MIS18A: variants seen among roughly 807,000 people sequenced by gnomAD.
MIS18A encodes MIS18 kinetochore protein A.
In MIS18A, 14 loss-of-function variants were observed where a neutral mutation model predicts 25.0. That is an observed-to-expected ratio of 0.56 (90% CI 0.37 to 0.88). The LOEUF is 0.88. Among genes scored for constraint, MIS18A ranks in the 40% least tolerant of loss-of-function variants. The pLI is 0.00. For missense variants in MIS18A, 292 were observed against 290.8 expected, an observed-to-expected ratio of 1.00 and a Z score of -0.03; for synonymous variants, 134 against 118.6, an observed-to-expected ratio of 1.13 and a Z score of -0.84.
chr21:32,276,463 A>C (rs1375939260), intron 1 of MIS18A, among the ~76,000 whole-genome samples: 1 of 63,702 alleles, frequency 1.6e-5, no homozygotes, highest in Non-Finnish European at 2.8e-5. Context: ...TCTGTCTCAA[A>C]AAAAAAAAAA....
the MIS18A span, among the ~76,000 whole-genome samples, chr21:32,201,877 T>C: frequency 4.6e-5 from 7 of 152,116 alleles, no homozygotes; most frequent in South Asian, 1.2e-3. Flanking sequence ...ACACAGGAAA[T>C]GTCCTTTCAA....
chr21:32,225,368 G>A, the MIS18A span, among the ~76,000 whole-genome samples: 1 of 93,734 alleles, frequency 1.1e-5, no homozygotes, highest in African/African-American at 6.2e-5. Context: ...GAAAATTTTC[G>A]CAACCTACTC....
chr21:32,269,193 G>GTGTATATCTTAATT, intron 4 of MIS18A, 76 bp from the exon 5 acceptor site: 2 of 1,073,158 alleles, frequency 1.9e-6, no homozygotes, highest in Non-Finnish European at 2.7e-6. Flanking sequence ...ATATAATTAA[G>GTGTATATCTTAATT]ATATACACTT....
chr21:32,269,710 T>C lies in MIS18A; in HGVS notation c.618A>G (p.Thr206=). 6.5e-7 allele frequency: 1 copy of C among 1,550,078 alleles called. No homozygotes were observed. Among genetic ancestry groups the C allele is most frequent in the Non-Finnish European group, 8.9e-7 (1 of 1,121,874 alleles). ...AAAATGTACAGAATAAAATTACCTGTGTTAGAGACTTTTCTATTTCAACTC... is the reference window on the plus strand; with the variant it reads ...AAAATGTACAGAATAAAATTACCTGCGTTAGAGACTTTTCTATTTCAACTC... ...ESRVEIEKSL[T]QMEDVLKALQ... is the part of the protein sequence containing the mutation. The change falls in exon 4 of 5, where the codon ACA becomes ACG. Residue 206 remains threonine (T), a synonymous_variant. Coordinates refer to ENST00000290130, the MANE Select transcript of MIS18A (RefSeq NM_018944.3).
chr21:32,189,156 G>C, the MIS18A span, among the ~76,000 whole-genome samples: 1 of 152,184 alleles, frequency 6.6e-6, no homozygotes, highest in African/African-American at 2.4e-5. Flanking sequence ...TCCATGTGCA[G>C]GTGCATCAGA....
chr21:32,275,483 G>A (rs1172295085), intron 1 of MIS18A, among the ~76,000 whole-genome samples: 1 of 152,062 alleles, frequency 6.6e-6, no homozygotes, highest in Non-Finnish European at 1.5e-5. Flanking sequence ...GTAACTGAGA[G>A]GGTCCTCAGG....
At chr21:32,203,794 T>C in the MIS18A span, among the ~76,000 whole-genome samples, 9 of 151,934 alleles carry the variant, frequency 5.9e-5, no homozygotes, top group African/African-American at 2.2e-4. Context: ...TTTTTTGTAT[T>C]TTTTTGTAGA....
downstream of MIS18A, among the ~76,000 whole-genome samples, chr21:32,264,248 G>A (rs2031555497): frequency 3.9e-5 from 6 of 152,008 alleles, no homozygotes. Flanking sequence ...CTCAAAATGT[G>A]AGTAATTATT....
the MIS18A span, among the ~76,000 whole-genome samples, chr21:32,156,850 A>G: frequency 3.3e-5 from 5 of 152,074 alleles, no homozygotes; most frequent in Non-Finnish European, 7.4e-5. Flanking sequence ...ACCATGACCC[A>G]GGTAATAGAC....
the MIS18A span, among the ~76,000 whole-genome samples, chr21:32,242,971 C>T: frequency 6.6e-6 from 1 of 152,134 alleles, no homozygotes; most frequent in Non-Finnish European, 1.5e-5. Flanking sequence ...CAGACAGAAC[C>T]AACTGATTCT....
chr21:32,263,522 AC>A (rs1266270906), downstream of MIS18A, among the ~76,000 whole-genome samples: 1 of 152,100 alleles, frequency 6.6e-6, no homozygotes, highest in Non-Finnish European at 1.5e-5. Context: ...AACCGCTTGA[AC>A]CCAGGAGGCA....
the MIS18A span, among the ~76,000 whole-genome samples, chr21:32,188,337 G>A: frequency 6.6e-6 from 1 of 152,196 alleles, no homozygotes; most frequent in Admixed American, 6.5e-5. Context: ...GCTTTTGTAT[G>A]GATTCTCCAA....
At chr21:32,212,809 T>C in the MIS18A span, among the ~76,000 whole-genome samples, 11 of 152,016 alleles carry the variant, frequency 7.2e-5, no homozygotes, top group African/African-American at 2.6e-4. Context: ...AAGTGGGAGT[T>C]TCCCCTGCAC....
chr21:32,219,894 G>C, the MIS18A span, among the ~76,000 whole-genome samples: 1 of 152,178 alleles, frequency 6.6e-6, no homozygotes, highest in Non-Finnish European at 1.5e-5. Context: ...CCACAGCACG[G>C]CAAAACCACT....
chr21:32,175,280 C>T, the MIS18A span, among the ~76,000 whole-genome samples: 249 of 152,158 alleles, frequency 1.6e-3, no homozygotes, highest in African/African-American at 5.8e-3. Context: ...CATGCCTGAA[C>T]GGAGCTTGCA....
chr21:32,188,833 G>C, the MIS18A span, among the ~76,000 whole-genome samples: 1 of 152,230 alleles, frequency 6.6e-6, no homozygotes, highest in Non-Finnish European at 1.5e-5. Flanking sequence ...AGAGAATGGA[G>C]AACGAGGCAG....
At chr21:32,242,302 C>A in the MIS18A span, among the ~76,000 whole-genome samples, 2 of 152,204 alleles carry the variant, frequency 1.3e-5, no homozygotes, top group Non-Finnish European at 2.9e-5. Flanking sequence ...CCAAAGATGC[C>A]TGGATATGGC....
At chr21:32,271,748 G>A (rs1349250290) in intron 2 of MIS18A, among the ~76,000 whole-genome samples, 5 of 151,708 alleles carry the variant, frequency 3.3e-5, no homozygotes, top group Admixed American at 6.6e-5. Flanking sequence ...CAGCCAGCTT[G>A]TTTAAATGTT....
the MIS18A span, among the ~76,000 whole-genome samples, chr21:32,183,112 G>C: frequency 6.6e-6 from 1 of 152,184 alleles, no homozygotes. Flanking sequence ...TCCTGTCTTA[G>C]TATCTATTCC....
Sources: allele counts gnomAD v4.1 joint callset (sites outside exome capture counted in the v4.1 genomes callset), GRCh38; gene constraint gnomAD v4.1.1; transcripts MANE v1.5; gene names NCBI Gene and HGNC (gene_info 2026-07-23, HGNC 2026-07-21).